SNCAIP: variants seen among roughly 807,000 people sequenced by gnomAD.
SNCAIP encodes the protein synuclein alpha interacting protein, also known as synphilin-1.
In SNCAIP, 43 loss-of-function variants were observed where a neutral mutation model predicts 86.7. The ratio of observed to expected loss-of-function variants is 0.50; its 90% CI spans 0.39 to 0.64. The LOEUF is 0.64. SNCAIP is among the 30% of genes least tolerant of loss of function. The pLI is 0.00. For synonymous variants in SNCAIP, 417 were observed against 427.2 expected (o/e 0.98, Z 0.29); for missense variants, 981 against 1,103.1 (o/e 0.89, Z 1.57).
intron 10 of SNCAIP, 116 bp downstream of exon 10, chr5:122,451,717 C>G (rs1397801214): frequency 2.7e-6 from 2 of 754,076 alleles, no homozygotes; most frequent in African/African-American, 3.5e-5. Flanking sequence ...AAAAAAAAAT[C>G]CAAAGGGATG....
intron 1 of SNCAIP, among the ~76,000 whole-genome samples, chr5:122,360,304 G>C (rs1761955655): frequency 1.3e-5 from 2 of 152,280 alleles, no homozygotes; most frequent in Middle Eastern, 3.4e-3. Flanking sequence ...GGAATAGAAT[G>C]CCTGATGTCA....
intron 1 of SNCAIP, among the ~76,000 whole-genome samples, chr5:122,320,234 A>C (rs1283792334): frequency 6.6e-6 from 1 of 152,210 alleles, no homozygotes; most frequent in Non-Finnish European, 1.5e-5. Context: ...TGGTTTGATC[A>C]TCTCTAGGTA....
chr5:122,318,864 A>C (rs1256502169), intron 1 of SNCAIP, among the ~76,000 whole-genome samples: 2 of 151,962 alleles, frequency 1.3e-5, no homozygotes, highest in Non-Finnish European at 2.9e-5. Flanking sequence ...AATAATTAAT[A>C]TTTATGAGGC....
intron 10 of SNCAIP, chr5:122,452,827 A>G: frequency 1.3e-6 from 1 of 765,782 alleles, no homozygotes. Context: ...CTGTCCTCTA[A>G]TCTATCTATC....
intron 1 of SNCAIP, among the ~76,000 whole-genome samples, chr5:122,334,701 TA>T (rs1477330102): frequency 6.6e-6 from 1 of 152,202 alleles, no homozygotes; most frequent in African/African-American, 2.4e-5. Flanking sequence ...AATTTTTTTT[TA>T]AAGACCATTC....
intron 1 of SNCAIP, among the ~76,000 whole-genome samples, chr5:122,333,427 C>T (rs1261055286): frequency 6.6e-6 from 1 of 152,224 alleles, no homozygotes; most frequent in Non-Finnish European, 1.5e-5. Flanking sequence ...GCCTGCCTTG[C>T]ATAGCCAATG....
chr5:122,445,285 T>C (rs1160225384), intron 8 of SNCAIP, among the ~76,000 whole-genome samples: 1 of 152,192 alleles, frequency 6.6e-6, no homozygotes, highest in Non-Finnish European at 1.5e-5. Context: ...CAGCATGAAG[T>C]TACTTAAAAC....
At chr5:122,342,812 A>T (rs13357664) in intron 1 of SNCAIP, among the ~76,000 whole-genome samples, 6,919 of 151,834 alleles carry the variant, frequency 0.046, 522 homozygotes, top group African/African-American at 0.16. Context: ...CTTTTTTGTC[A>T]CTCGTTTTCA....
chr5:122,454,648 GT>G (rs1375866258), intron 10 of SNCAIP: 1 of 152,652 alleles, frequency 6.6e-6, no homozygotes, highest in African/African-American at 2.4e-5. Flanking sequence ...GGAGGAATGT[GT>G]TTTCTGGTGC....
chr5:122,377,859 G>C (rs1392563809), intron 1 of SNCAIP, among the ~76,000 whole-genome samples: 1 of 151,636 alleles, frequency 6.6e-6, no homozygotes, highest in African/African-American at 2.4e-5. Context: ...TCCCTACAAA[G>C]GACATGAACT....
At chr5:122,371,312 A>G (rs1172514092) in intron 1 of SNCAIP, 1 of 151,842 alleles carries the variant, frequency 6.6e-6, no homozygotes, top group African/African-American at 2.4e-5. Flanking sequence ...ATCTCAGAAA[A>G]AAAAAAAAAA....
chr5:122,446,623 G>A (rs1439318263), intron 8 of SNCAIP, among the ~76,000 whole-genome samples: 2 of 152,214 alleles, frequency 1.3e-5, no homozygotes, highest in Non-Finnish European at 2.9e-5. Flanking sequence ...AACTAAGAGA[G>A]GCTACGTTGT....
In SNCAIP at chr5:122,463,803, A is replaced by T. The variant is rs1218277918; in HGVS notation, c.*307A>T. On this transcript the variant is annotated 3_prime_UTR_variant, in exon 11 of 11. Transcript: ENST00000261368. ...ATGCCGTTTAAAAGCATGATTGGGA[A>T]AATGTATGTTTTTTAAGAGTAGATT... The T allele has an allele frequency of 1.7e-5, 6 of 359,146 alleles. No individual in the cohort carries two copies. The South Asian group carries it at 4.1e-4, about 25-fold the overall frequency. 22.2% of individuals were successfully genotyped at this position (359,146 alleles called of 1,614,324 possible).
chr5:122,386,820 CA>C (rs111712528), intron 1 of SNCAIP, among the ~76,000 whole-genome samples: 28,163 of 138,466 alleles, frequency 0.2, 3,328 homozygotes, highest in African/African-American at 0.37. Flanking sequence ...CTCCCCACTT[CA>C]AAAAAAAAAA....
intron 3 of SNCAIP, among the ~76,000 whole-genome samples, chr5:122,409,531 G>GA (rs557992839): frequency 2.0e-5 from 3 of 152,168 alleles, no homozygotes; most frequent in Non-Finnish European, 4.4e-5. Flanking sequence ...AATGGATTCT[G>GA]AAAAAAATTT....
At position 122,451,577 on chromosome 5, in the gene SNCAIP, C is replaced by T. The variant is rs151177834; in HGVS notation, c.2730C>T (p.Ser910=). ...ATGCCAAGGGAAACCCTGCCAGCTC[C>T]GCTAGCAAAGGAAAGAATAAGGCAG... is the stretch of plus-strand genomic sequence containing the variant. ...KTDAKGNPAS[S]ASKGKNKAA is the part of the protein sequence containing the mutation. The change falls in exon 10 of 11, where the codon TCC becomes TCT. Residue 910 remains serine (S), a synonymous_variant. Transcript: ENST00000261368. 7.4e-5 allele frequency: 119 copies of T among 1,611,076 alleles called. No individual in the cohort carries two copies. The African/African-American group carries it at 8.3e-4, about 11-fold the overall frequency.
Position 122,456,931 on chromosome 5 carries a change from G to T in SNCAIP, c.2754+5330G>T, listed in dbSNP as rs148389810. On this transcript the variant is annotated intron_variant, in intron 10 of 10. Transcript: ENST00000261368. ...TAATGAAAAAGTATTTAGTAAAGTA[G>T]TTGGTGCTTAACACTATAGACATTT... 5.3e-3 allele frequency among the ~76,000 whole-genome samples: 812 copies of T among 152,320 alleles called. 10 individuals carry two copies. Among genetic ancestry groups the T allele is most frequent in the African/African-American group, 0.019 (776 of 41,574 alleles).
rs1580784426 is a variant in SNCAIP, at chr5:122,374,710, T to G, written c.-46-16379T>G. Among the ~76,000 whole-genome samples, 6 of 152,162 alleles carry G rather than the reference T, an allele frequency of 3.9e-5. No homozygotes were observed. In the South Asian group the frequency reaches 1.2e-3, roughly 32 times the overall value. On this transcript the variant is annotated intron_variant, in intron 1 of 10. Coordinates refer to ENST00000261368, the MANE Select transcript of SNCAIP (RefSeq NM_005460.4). ...TTGTTATTTAAGACAATACTGAGAG[T>G]TCTAATGTAAAAATTATAAAGCAAC...
chr5:122,440,802 T>G, intron 7 of SNCAIP, 48 bp downstream of exon 7: 3 of 1,559,862 alleles, frequency 1.9e-6, no homozygotes, highest in Non-Finnish European at 2.7e-6. Context: ...ATATCAAATA[T>G]TAAACAAAAC....
Sources: gnomAD v4.1 joint callset for allele counts (sites outside exome capture counted in the v4.1 genomes callset) on GRCh38, gnomAD v4.1.1 for gene constraint, MANE v1.5 for transcripts, NCBI Gene and HGNC (gene_info 2026-07-23, HGNC 2026-07-21) for gene names.